RABGAP1L: variants seen among roughly 807,000 people sequenced by gnomAD.
RABGAP1L encodes the protein rab GTPase-activating protein 1-like.
RABGAP1L carries 63 observed loss-of-function variants against 137.7 expected under a neutral mutation model. The observed-to-expected ratio is 0.46, with a 90% confidence interval of 0.37 to 0.56. The LOEUF (loss-of-function observed/expected upper bound fraction) is 0.56. Ranked by LOEUF, RABGAP1L falls within the 20% of genes least tolerant of loss-of-function variation. RABGAP1L has a pLI of 0.00. For missense variants in RABGAP1L, 1,095 were observed against 1,244.0 expected (o/e 0.88, Z 1.80); for synonymous variants, 431 against 433.7 (o/e 0.99, Z 0.08).
At chr1:174,833,621 C>T (rs1470080419) in intron 19 of RABGAP1L, among the ~76,000 whole-genome samples, 1 of 150,520 alleles carries the variant, frequency 6.6e-6, no homozygotes, top group African/African-American at 2.4e-5. Flanking sequence ...TGATCATTTA[C>T]ATGGCATCCA....
At chr1:174,543,253 A>G (rs1285632619) in intron 13 of RABGAP1L, among the ~76,000 whole-genome samples, 2 of 152,258 alleles carry the variant, frequency 1.3e-5, no homozygotes, top group East Asian at 3.9e-4. Flanking sequence ...GTCACTCAGG[A>G]CTTGCTTTAT....
rs148945131 is a variant in RABGAP1L, at chr1:174,586,023, G to T, written c.1711-51352G>T. Among the ~76,000 whole-genome samples, 453 of 152,220 alleles carry T rather than the reference G, an allele frequency of 3.0e-3. 4 individuals are homozygous for T. Among genetic ancestry groups the T allele is most frequent in the Middle Eastern group, 6.8e-3 (2 of 294 alleles). ...ATTTAACCCAGCAATCCCATTACTG[G>T]ATGTATACCCAAAGGAATATAAATC... is the stretch of plus-strand genomic sequence containing the variant. On this transcript the variant is annotated intron_variant, in intron 13 of 25. Transcript: ENST00000681986.
intron 13 of RABGAP1L, among the ~76,000 whole-genome samples, chr1:174,537,725 C>T (rs1426981003): frequency 2.6e-5 from 4 of 152,140 alleles, no homozygotes; most frequent in Non-Finnish European, 5.9e-5. Context: ...TATTTTTCTG[C>T]ATTGTTTGTG....
intron 13 of RABGAP1L, among the ~76,000 whole-genome samples, chr1:174,506,468 A>G (rs1171224326): frequency 6.6e-6 from 1 of 152,204 alleles, no homozygotes; most frequent in African/African-American, 2.4e-5. Flanking sequence ...ATTTAGAAAT[A>G]TATATGTAAA....
At chr1:174,360,455 A>G (rs1684039800) in intron 11 of RABGAP1L, among the ~76,000 whole-genome samples, 1 of 152,156 alleles carries the variant, frequency 6.6e-6, no homozygotes, top group Non-Finnish European at 1.5e-5. Context: ...ATAGTCATAA[A>G]AGTTATGTTA....
At chr1:174,521,000 A>C (rs1428899040) in intron 13 of RABGAP1L, among the ~76,000 whole-genome samples, 1 of 152,166 alleles carries the variant, frequency 6.6e-6, no homozygotes, top group Non-Finnish European at 1.5e-5. Context: ...ACTCTGTTGC[A>C]AAAAAACAGT....
intron 18 of RABGAP1L, among the ~76,000 whole-genome samples, chr1:174,777,671 TAAGTA>T (rs1558068110): frequency 1.3e-5 from 2 of 151,976 alleles, no homozygotes; most frequent in Non-Finnish European, 2.9e-5. Context: ...TTCAAAAAAA[TAAGTA>T]AAGAAATGCA....
At chr1:174,493,175 A>AT (rs1406531095) in intron 13 of RABGAP1L, among the ~76,000 whole-genome samples, 2 of 147,004 alleles carry the variant, frequency 1.4e-5, no homozygotes, top group Admixed American at 6.9e-5. Flanking sequence ...TCTAGGTAAC[A>AT]TACTAGATCC....
intron 18 of RABGAP1L, among the ~76,000 whole-genome samples, chr1:174,771,547 T>G (rs567165267): frequency 6.6e-6 from 1 of 152,232 alleles, no homozygotes; most frequent in Non-Finnish European, 1.5e-5. Flanking sequence ...TACTTCAAGA[T>G]GAATACCACC....
At chr1:174,480,815 C>T (rs12079334) in intron 13 of RABGAP1L, among the ~76,000 whole-genome samples, 53,661 of 152,118 alleles carry the variant, frequency 0.35, 12,121 homozygotes, top group African/African-American at 0.64. Flanking sequence ...AACCCTTCCA[C>T]GGGTGAGAAT....
intron 13 of RABGAP1L, among the ~76,000 whole-genome samples, chr1:174,453,559 A>G (rs1655683230): frequency 6.6e-6 from 1 of 152,184 alleles, no homozygotes; most frequent in Non-Finnish European, 1.5e-5. Context: ...AGGTAGGGCC[A>G]TTTTGGTGCA....
intron 1 of RABGAP1L, among the ~76,000 whole-genome samples, chr1:174,160,396 G>A (rs1664343753): frequency 6.6e-6 from 1 of 152,212 alleles, no homozygotes; most frequent in South Asian, 2.1e-4. Context: ...TCAGCATGTG[G>A]AAAGGGGCCA....
At chr1:174,712,112 G>T (rs908219122) in intron 17 of RABGAP1L, among the ~76,000 whole-genome samples, 1 of 152,102 alleles carries the variant, frequency 6.6e-6, no homozygotes, top group Admixed American at 6.5e-5. Flanking sequence ...CGGACCAATC[G>T]GCTCTCTGTA....
chr1:174,420,841 AT>A (rs1463450900), intron 13 of RABGAP1L, among the ~76,000 whole-genome samples: 2 of 151,568 alleles, frequency 1.3e-5, no homozygotes, highest in East Asian at 1.9e-4. Context: ...CGCCCGGCTA[AT>A]TTTTTTGTAT....
chr1:174,412,182 T>A (rs1047938161), intron 13 of RABGAP1L, among the ~76,000 whole-genome samples: 1 of 152,130 alleles, frequency 6.6e-6, no homozygotes, highest in Non-Finnish European at 1.5e-5. Context: ...GATAGTTAAG[T>A]CTTCTTGTTG....
intron 13 of RABGAP1L, among the ~76,000 whole-genome samples, chr1:174,617,737 G>T (rs1672025188): frequency 6.6e-6 from 1 of 152,180 alleles, no homozygotes; most frequent in Non-Finnish European, 1.5e-5. Context: ...CATTACCAGG[G>T]GGTGCAGCCA....
At chr1:174,730,030 T>G (rs1424238048) in intron 17 of RABGAP1L, among the ~76,000 whole-genome samples, 3 of 152,200 alleles carry the variant, frequency 2.0e-5, no homozygotes, top group African/African-American at 7.2e-5. Flanking sequence ...GCAGCACTAT[T>G]TGCAAAAACA....
chr1:174,350,477 C>T (rs560717581), intron 11 of RABGAP1L, among the ~76,000 whole-genome samples: 1,281 of 121,820 alleles, frequency 0.011, no homozygotes, highest in South Asian at 0.029. Context: ...AGGCGCTCCC[C>T]ACATCTCAGA....
intron 13 of RABGAP1L, among the ~76,000 whole-genome samples, chr1:174,422,681 C>T (rs1056324816): frequency 7.2e-5 from 11 of 152,038 alleles, no homozygotes; most frequent in African/African-American, 1.9e-4. Flanking sequence ...TAGCTGAGCA[C>T]GGTGGCCTGT....
Sources: allele counts gnomAD v4.1 joint callset (sites outside exome capture counted in the v4.1 genomes callset), GRCh38; gene constraint gnomAD v4.1.1; transcripts MANE v1.5; gene names NCBI Gene and HGNC (gene_info 2026-07-23, HGNC 2026-07-21).